CCDC178: variants seen among roughly 807,000 people sequenced by gnomAD.
The protein encoded by CCDC178 is coiled-coil domain-containing protein 178.
Under a neutral mutation model 117.4 loss-of-function variants are expected in CCDC178, and 126 were observed. The observed-to-expected ratio is 1.07, with a 90% confidence interval of 0.93 to 1.24. The LOEUF (loss-of-function observed/expected upper bound fraction) is 1.24, where lower values mean the gene tolerates loss of function less well. Ranked by LOEUF, CCDC178 falls within the 50% of genes most tolerant of loss-of-function variation. The probability of loss-of-function intolerance (pLI) is 0.00; values close to 1 mark genes in which losing one functional copy is unlikely to be tolerated. For missense variants in CCDC178, 1,030 were observed against 986.9 expected, an observed-to-expected ratio of 1.04 and a Z score of -0.59; for synonymous variants, 283 against 313.4, an observed-to-expected ratio of 0.90 and a Z score of 1.02.
chr18:33,198,520 T>C (rs938686879), intron 20 of CCDC178, among the ~76,000 whole-genome samples: 3 of 152,142 alleles, frequency 2.0e-5, no homozygotes, highest in Non-Finnish European at 4.4e-5. Flanking sequence ...ATTCATACTA[T>C]TTAAAGGAAG....
chr18:33,255,780 G>A (rs2059672358), intron 14 of CCDC178, among the ~76,000 whole-genome samples: 1 of 151,932 alleles, frequency 6.6e-6, no homozygotes, highest in Non-Finnish European at 1.5e-5. Flanking sequence ...GGGTATAAAT[G>A]GGCTGAGATT....
intron 5 of CCDC178, among the ~76,000 whole-genome samples, chr18:33,386,196 A>T (rs955060512): frequency 2.0e-5 from 3 of 152,210 alleles, no homozygotes; most frequent in African/African-American, 7.2e-5. Flanking sequence ...CAAGTTCTGA[A>T]ATTGAGGCAG....
At chr18:33,437,179 G>GTT (rs2064303957) in intron 2 of CCDC178, among the ~76,000 whole-genome samples, 1 of 152,108 alleles carries the variant, frequency 6.6e-6, no homozygotes, top group Non-Finnish European at 1.5e-5. Context: ...GTAATTTTTA[G>GTT]ACTCAACAGT....
chr18:33,224,268 GT>G (rs1215850839), intron 17 of CCDC178, among the ~76,000 whole-genome samples: 6 of 152,200 alleles, frequency 3.9e-5, no homozygotes, highest in East Asian at 1.9e-4. Flanking sequence ...ATTAATACAT[GT>G]TTTTCGACTA....
rs1230389759 is a variant in CCDC178, at chr18:33,248,728, C to T, written c.1410-3300G>A. Among the ~76,000 whole-genome samples, 6 of 152,066 alleles carry T rather than the reference C, an allele frequency of 3.9e-5. No individual in the cohort carries two copies. The South Asian group carries it at 8.3e-4, about 21-fold the overall frequency. The stretch of plus-strand genomic sequence containing the variant: ...TTTGAATAGTGCCGCAATAAACATA[C>T]GTTTGCATGTGTCTTTATAGCAGCA... On this transcript the variant is annotated intron_variant, in intron 14 of 22. Transcript: ENST00000383096.
intron 10 of CCDC178, among the ~76,000 whole-genome samples, chr18:33,327,760 GTC>G (rs2062604716): frequency 1.4e-4 from 21 of 151,966 alleles, no homozygotes; most frequent in Admixed American, 8.5e-4. Context: ...CTGAAGATAT[GTC>G]TATCTGTTCA....
At chr18:33,356,431 CTACTT>C (rs1225972447) in intron 6 of CCDC178, 85 bp from the exon 7 acceptor site, 6 of 1,243,590 alleles carry the variant, frequency 4.8e-6, no homozygotes, top group Middle Eastern at 2.2e-4. Context: ...TGTCAATTCT[CTACTT>C]TACATATCTC....
intron 22 of CCDC178, among the ~76,000 whole-genome samples, chr18:32,946,723 G>GTTT (rs34352899): frequency 2.9e-3 from 401 of 137,110 alleles, no homozygotes; most frequent in Non-Finnish European, 3.9e-3. Flanking sequence ...GGTTTTTTGG[G>GTTT]TTTTTTTTTT....
chr18:33,011,800 A>T (rs983835759), intron 21 of CCDC178, among the ~76,000 whole-genome samples: 1 of 139,944 alleles, frequency 7.1e-6, no homozygotes, highest in African/African-American at 2.8e-5. Context: ...AAAAAAAAAA[A>T]AAAAAAAAGG....
chr18:32,974,748 A>T (rs1187294193), intron 21 of CCDC178, 67 bp from the exon 22 acceptor site: 1 of 1,495,460 alleles, frequency 6.7e-7, no homozygotes, highest in East Asian at 2.3e-5. Flanking sequence ...GCAGTGTTCA[A>T]GAAGAATGAT....
intron 12 of CCDC178, among the ~76,000 whole-genome samples, chr18:33,287,245 T>C (rs1001215068): frequency 6.6e-6 from 1 of 152,220 alleles, no homozygotes; most frequent in African/African-American, 2.4e-5. Flanking sequence ...GAAGTTTCAA[T>C]TGCATACCAA....
intron 20 of CCDC178, among the ~76,000 whole-genome samples, chr18:33,171,677 T>A (rs2058601193): frequency 1.3e-5 from 2 of 152,196 alleles, no homozygotes; most frequent in African/African-American, 2.4e-5. Context: ...TATGCTGGGG[T>A]AACAGTTGAC....
intron 21 of CCDC178, among the ~76,000 whole-genome samples, chr18:33,033,234 T>G (rs2039461760): frequency 6.6e-6 from 1 of 152,104 alleles, no homozygotes; most frequent in Non-Finnish European, 1.5e-5. Flanking sequence ...TTTAATTTAG[T>G]GTTGTGAGTC....
Position 33,211,931 on chromosome 18 carries a change from G to T in CCDC178, c.2203C>A (p.Leu735Ile). Residue 735 changes from leucine to isoleucine, a missense_variant, in exon 20 of 23, where the codon CTT becomes ATT. Coordinates refer to ENST00000383096, the MANE Select transcript of CCDC178 (RefSeq NM_001105528.4). ...TGAAGAGTTTTTTGTCTTACAGCAA[G>T]GAGCACTCTAAATCTCTGATCTTCC... ...FEEDQRFRVL[L>I]AVRQKTLQDT... is the part of the protein sequence containing the mutation. 6.2e-7 allele frequency: 1 copy of T among 1,607,434 alleles called. No homozygotes were observed. The highest frequency in any genetic ancestry group is 8.5e-7 in the Non-Finnish European group (1 of 1,177,518).
At chr18:33,195,129 G>A (rs79919149) in intron 20 of CCDC178, among the ~76,000 whole-genome samples, 3 of 104,634 alleles carry the variant, frequency 2.9e-5, no homozygotes, top group East Asian at 2.6e-4. Flanking sequence ...AAAAAAAAAA[G>A]AGAGAGAGAG....
At chr18:33,020,900 G>A (rs1411889963) in intron 21 of CCDC178, among the ~76,000 whole-genome samples, 1 of 152,160 alleles carries the variant, frequency 6.6e-6, no homozygotes, top group Non-Finnish European at 1.5e-5. Context: ...GTGTGTTAGT[G>A]TCAAGTGACC....
intron 5 of CCDC178, among the ~76,000 whole-genome samples, chr18:33,387,635 T>C (rs2063512208): frequency 2.0e-5 from 3 of 152,194 alleles, no homozygotes; most frequent in Admixed American, 1.3e-4. Context: ...TAATAAATGA[T>C]GCTGGGAGAA....
intron 5 of CCDC178, among the ~76,000 whole-genome samples, chr18:33,379,116 T>TATATATATAATATATATATTTCC (rs1568187637): frequency 1.5e-3 from 8 of 5,300 alleles, no homozygotes; most frequent in Non-Finnish European, 9.4e-3. Context: ...TATATTTCCA[T>TATATATATAATATATATATTTCC]ATATATATAA....
At chr18:33,294,180 T>C (rs2062074471) in intron 11 of CCDC178, among the ~76,000 whole-genome samples, 1 of 152,184 alleles carries the variant, frequency 6.6e-6, no homozygotes, top group Non-Finnish European at 1.5e-5. Flanking sequence ...CTTTATCTAA[T>C]CTAGCAGGTA....
Sources: allele counts gnomAD v4.1 joint callset (sites outside exome capture counted in the v4.1 genomes callset), GRCh38; gene constraint gnomAD v4.1.1; transcripts MANE v1.5; gene names NCBI Gene and HGNC (gene_info 2026-07-23, HGNC 2026-07-21).